GRID2IP: variants seen among roughly 807,000 people sequenced by gnomAD.
GRID2IP encodes the protein delphilin.
A neutral mutation model predicts 114.3 loss-of-function variants in GRID2IP; 78 were observed. The observed-to-expected ratio is 0.68, with a 90% CI of 0.57 to 0.82. The LOEUF (loss-of-function observed/expected upper bound fraction) is 0.82, where lower values mean the gene tolerates loss of function less well. Among genes scored for constraint, GRID2IP ranks in the 40% least tolerant of loss-of-function variants. GRID2IP has a pLI of 0.00. For synonymous variants in GRID2IP, 809 were observed against 724.0 expected (o/e 1.12, Z -1.89); for missense variants, 1,727 against 1,678.5 (o/e 1.03, Z -0.51).
chr7:6,535,296 C>G (rs1779706090), intron 2 of GRID2IP, among the ~76,000 whole-genome samples: 1 of 152,258 alleles, frequency 6.6e-6, no homozygotes, highest in Non-Finnish European at 1.5e-5. Flanking sequence ...TCCTAAAGTG[C>G]TGGAATTACA....
At chr7:6,525,714 G>C (rs1391678744) in intron 4 of GRID2IP, among the ~76,000 whole-genome samples, 4 of 152,190 alleles carry the variant, frequency 2.6e-5, no homozygotes, top group Non-Finnish European at 4.4e-5. Context: ...GGAGAGCGAA[G>C]TCCATATTCA....
intron 20 of GRID2IP, 95 bp from the exon 21 acceptor site, chr7:6,498,323 C>G: frequency 7.9e-7 from 1 of 1,267,876 alleles, no homozygotes; most frequent in Non-Finnish European, 1.1e-6. Flanking sequence ...GCCCTATTCC[C>G]GGTTGGCCTG....
chr7:6,503,094 T>G lies in GRID2IP; in HGVS notation c.2977A>C (p.Thr993Pro). The change falls in exon 17 of 22, where the codon ACA (threonine) becomes CCA (proline). Residue 993 changes from threonine (T) to proline (P), a missense_variant. Thr to Pro is a conservative substitution (Grantham distance 38). Transcript: ENST00000457091. ...LHFQATLQEKTEEIRGSLECL... is the reference protein window; with the variant it reads ...LHFQATLQEKPEEIRGSLECL... ...TCAAGGCTGCCTCGGATCTCCTCTGTCTTCTCCTGGAGGGTGGCCTGGAAG... is the reference window on the plus strand; with the variant it reads ...TCAAGGCTGCCTCGGATCTCCTCTGGCTTCTCCTGGAGGGTGGCCTGGAAG... 6.4e-7 allele frequency: 1 copy of G among 1,551,316 alleles called. No individual in the cohort carries two copies.
At chr7:6,498,475 G>C (rs188274540) in intron 20 of GRID2IP, among the ~76,000 whole-genome samples, 1 of 152,204 alleles carries the variant, frequency 6.6e-6, no homozygotes, top group East Asian at 1.9e-4. Flanking sequence ...TCTCTCTGCA[G>C]GGCCAGGCCC....
chr7:6,541,754 C>G (rs748985247), intron 1 of GRID2IP, among the ~76,000 whole-genome samples: 1 of 152,134 alleles, frequency 6.6e-6, no homozygotes, highest in Non-Finnish European at 1.5e-5. Context: ...GGTCACGTTT[C>G]TGGAAGGCAG....
At chr7:6,539,916 G>A in intron 1 of GRID2IP, 44 bp from the exon 2 acceptor site, 3 of 1,518,932 alleles carry the variant, frequency 2.0e-6, no homozygotes, top group Non-Finnish European at 2.7e-6. Context: ...GATCCAGAGT[G>A]GAACCCTGGA....
chr7:6,524,686 C>T (rs1779475391), intron 4 of GRID2IP, among the ~76,000 whole-genome samples: 1 of 151,804 alleles, frequency 6.6e-6, no homozygotes, highest in South Asian at 2.1e-4. Flanking sequence ...TGCCACTGCA[C>T]TCCAGCCTGG....
chr7:6,526,588 C>A lies in GRID2IP; in HGVS notation c.766G>T (p.Asp256Tyr). 8.4e-7 allele frequency: 1 copy of A among 1,192,488 alleles called. No individual in the cohort carries two copies. The highest frequency in any genetic ancestry group is 3.3e-4 in the Middle Eastern group (1 of 2,994). 73.9% of individuals were successfully genotyped at this position (1,192,488 alleles called of 1,614,324 possible). A position where few individuals can be genotyped will look rare whatever the true frequency, so the allele number is the denominator to read the frequency against. Residue 256 changes from aspartate (D) to tyrosine (Y), a missense_variant, in exon 3 of 22, where the codon GAT becomes TAT. Physicochemically the swap from Asp to Tyr is radical, Grantham distance 160. Transcript: ENST00000457091. The surrounding 1 kb of genome is among the most constrained non-coding windows in gnomAD (Gnocchi z 7.6). ...GAGGCCCTGCGCGGGGGCGGCTCAT[C>A]GGGGCGGCGCGGCGGGGCGCTGGCG... ...TRASAPPRRP[D>Y]EPPPRRASLL...
At position 6,536,198 on chromosome 7, in the gene GRID2IP, G is replaced by A. The variant is rs1222769064; in HGVS notation, c.584+3520C>T. ...GGAAGTAGGGGGTTTGAAGAGGTGCGGGGTGGCTGAAGCCCTACTGCCAGG... is the reference window on the plus strand; with the variant it reads ...GGAAGTAGGGGGTTTGAAGAGGTGCAGGGTGGCTGAAGCCCTACTGCCAGG... On this transcript the variant is annotated intron_variant, in intron 2 of 21. Coordinates refer to ENST00000457091, the MANE Select transcript of GRID2IP (RefSeq NM_001145118.2). This position sits in a 1 kb window ranked among gnomAD's most constrained non-coding sequence, Gnocchi z 5.3. 6.6e-6 allele frequency among the ~76,000 whole-genome samples: 1 copy of A among 152,164 alleles called. No homozygotes were observed. The highest frequency in any genetic ancestry group is 2.4e-5 in the African/African-American group (1 of 41,440).
chr7:6,509,134 C>T lies in GRID2IP; in HGVS notation c.1951G>A (p.Asp651Asn), dbSNP rs777628997. Reference protein sequence around the residue: ...PQPGPGPICPDSPPSPDPTRP... With the variant: ...PQPGPGPICPNSPPSPDPTRP... ...GTGGGGTCCGGGCTTGGGGGGCTGTCGGGGCAGATGGGCCCGGGGCCTGGC... is the reference window on the plus strand; with the variant it reads ...GTGGGGTCCGGGCTTGGGGGGCTGTTGGGGCAGATGGGCCCGGGGCCTGGC... The change falls in exon 12 of 22, where the codon GAC becomes AAC. Residue 651 changes from aspartate (D) to asparagine (N), a missense_variant. Transcript: ENST00000457091. This position sits in a 1 kb window ranked among gnomAD's most constrained non-coding sequence, Gnocchi z 4.9. 23 of 1,472,846 alleles carry T rather than the reference C, an allele frequency of 1.6e-5. No homozygotes were observed. The highest frequency in any genetic ancestry group is 1.1e-4 in the South Asian group (8 of 74,020). The allele number at this position is 1,472,846 out of a possible 1,614,324, so 91.2% of individuals were successfully genotyped here. A position where few individuals can be genotyped will look rare whatever the true frequency, so the allele number is the denominator to read the frequency against.
At position 6,536,306 on chromosome 7, in the gene GRID2IP, C is replaced by G. The variant is rs1434185793; in HGVS notation, c.584+3412G>C. Among the ~76,000 whole-genome samples, 1 of 152,248 alleles carries G rather than the reference C, an allele frequency of 6.6e-6. No individual in the cohort carries two copies. Among genetic ancestry groups the G allele is most frequent in the Non-Finnish European group, 1.5e-5 (1 of 68,038 alleles). ...CAGTTTTCCTGGCGCACTTGACACGCGCTTACAGCAGAGGCTGCCGTTTCA... is the reference window on the plus strand; with the variant it reads ...CAGTTTTCCTGGCGCACTTGACACGGGCTTACAGCAGAGGCTGCCGTTTCA... On this transcript the variant is annotated intron_variant, in intron 2 of 21. Transcript: ENST00000457091. The surrounding 1 kb of genome is among the most constrained non-coding windows in gnomAD (Gnocchi z 5.3).
At chr7:6,547,597 G>A (rs919439772) in intron 1 of GRID2IP, among the ~76,000 whole-genome samples, 5 of 152,180 alleles carry the variant, frequency 3.3e-5, no homozygotes, top group African/African-American at 1.2e-4. Context: ...TAGCAGCAGA[G>A]CCTGTTGTGG....
rs1228512188 is a variant in GRID2IP at position 6,520,882 on chromosome 7, C to A, written c.1085-121G>T. On this transcript the variant is annotated intron_variant, in intron 6 of 21. Coordinates refer to ENST00000457091, the MANE Select transcript of GRID2IP (RefSeq NM_001145118.2). This position sits in a 1 kb window ranked among gnomAD's most constrained non-coding sequence, Gnocchi z 4.6. ...TGGGGTGTGGCTGTCCAGTGCCATGCATGGGAAGGCATGCCTGTGGCCCGA... is the reference window on the plus strand; with the variant it reads ...TGGGGTGTGGCTGTCCAGTGCCATGAATGGGAAGGCATGCCTGTGGCCCGA... 1.1e-5 allele frequency: 10 copies of A among 907,552 alleles called. No individual in the cohort carries two copies. The highest frequency in any genetic ancestry group is 1.3e-5 in the Non-Finnish European group (8 of 606,924). 56.2% of individuals were successfully genotyped at this position (907,552 alleles called of 1,614,324 possible). A position where few individuals can be genotyped will look rare whatever the true frequency, so the allele number is the denominator to read the frequency against.
Position 6,516,970 on chromosome 7 carries a change from G to C in GRID2IP, c.1269-2441C>G, listed in dbSNP as rs192473259. Among the ~76,000 whole-genome samples, 92 of 151,846 alleles carry C rather than the reference G, an allele frequency of 6.1e-4. No homozygotes were observed. The highest frequency in any genetic ancestry group is 2.2e-3 in the African/African-American group (91 of 41,430). ...TAAATAACAGCACGGCCAGGCATTCGGGGCCACTACTGGTCTCCGCGTCTT... is the reference window on the plus strand; with the variant it reads ...TAAATAACAGCACGGCCAGGCATTCCGGGCCACTACTGGTCTCCGCGTCTT... On this transcript the variant is annotated intron_variant, in intron 7 of 21. Coordinates refer to ENST00000457091, the MANE Select transcript of GRID2IP (RefSeq NM_001145118.2). The surrounding 1 kb of genome is among the most constrained non-coding windows in gnomAD (Gnocchi z 4.3).
intron 2 of GRID2IP, among the ~76,000 whole-genome samples, chr7:6,533,481 C>A (rs1779670752): frequency 6.6e-6 from 1 of 152,086 alleles, no homozygotes; most frequent in South Asian, 2.1e-4. Context: ...ACCTCAGCCT[C>A]CCAAATAGCT....
At position 6,531,058 on chromosome 7, in the gene GRID2IP, G is replaced by A. The variant is rs10277236; in HGVS notation, c.585-4289C>T. On this transcript the variant is annotated intron_variant, in intron 2 of 21. Coordinates refer to ENST00000457091, the MANE Select transcript of GRID2IP (RefSeq NM_001145118.2). ...GTTCCCGGAGGCGCGGGACGCGATG[G>A]GGAAGCTACCGAAAGTGCCGAGAGA... The A allele has an allele frequency of 3.0e-5, 19 of 641,910 alleles. No homozygotes were observed. The Middle Eastern group carries it at 7.4e-4, about 25-fold the overall frequency. 39.8% of individuals were successfully genotyped at this position (641,910 alleles called of 1,614,324 possible).
chr7:6,549,788 GTT>G (rs754075666), intron 1 of GRID2IP, among the ~76,000 whole-genome samples: 2 of 143,642 alleles, frequency 1.4e-5, no homozygotes, highest in African/African-American at 2.5e-5. Context: ...CACCTGGCTG[GTT>G]TTTTTTTTTT....
At chr7:6,530,317 G>T (rs979401426) in intron 2 of GRID2IP, among the ~76,000 whole-genome samples, 11 of 150,936 alleles carry the variant, frequency 7.3e-5, no homozygotes, top group Non-Finnish European at 1.0e-4. Flanking sequence ...AGGATGGAGT[G>T]CAGGGGTACA....
In GRID2IP at chr7:6,526,380, C is replaced by T. The variant is rs1257504238; in HGVS notation, c.834-71G>A. The T allele has an allele frequency of 3.3e-6, 5 of 1,501,128 alleles. No individual in the cohort carries two copies. The highest frequency in any genetic ancestry group is 3.9e-5 in the Admixed American group (2 of 50,902). 93.0% of individuals were successfully genotyped at this position (1,501,128 alleles called of 1,614,324 possible). A position where few individuals can be genotyped will look rare whatever the true frequency, so the allele number is the denominator to read the frequency against. ...TGGGGCGCAGAGGTTGGAGATGTCC[C>T]GTGTCCCTCTCCCCTTAACCTCTCC... On this transcript the variant is annotated intron_variant, in intron 3 of 21. Coordinates refer to ENST00000457091, the MANE Select transcript of GRID2IP (RefSeq NM_001145118.2). The surrounding 1 kb of genome is among the most constrained non-coding windows in gnomAD (Gnocchi z 7.6).
Sources: allele counts gnomAD v4.1 joint callset (sites outside exome capture counted in the v4.1 genomes callset), GRCh38; gene constraint gnomAD v4.1.1; non-coding constraint Gnocchi (gnomAD v3.1); transcripts MANE v1.5; gene names NCBI Gene and HGNC (gene_info 2026-07-23, HGNC 2026-07-21).